UNC119B: variants seen among roughly 807,000 people sequenced by gnomAD.
UNC119B encodes protein unc-119 homolog B.
Under a neutral mutation model 23.4 loss-of-function variants are expected in UNC119B, and 16 were observed. The ratio of observed to expected loss-of-function variants is 0.68; its 90% CI spans 0.46 to 1.04. The LOEUF is 1.04. Among genes scored for constraint, UNC119B ranks in the 50% least tolerant of loss-of-function variants. The pLI is 0.00. For synonymous variants in UNC119B, 144 were observed against 145.4 expected (o/e 0.99, Z 0.07); for missense variants, 350 against 361.3 (o/e 0.97, Z 0.25).
Position 120,721,357 on chromosome 12 carries a change from G to C in UNC119B, c.*1325G>C, listed in dbSNP as rs549271164. On this transcript the variant is annotated 3_prime_UTR_variant, in exon 5 of 5. Coordinates refer to ENST00000344651, the MANE Select transcript of UNC119B (RefSeq NM_001080533.3). Reference sequence around the variant, plus strand: ...GACTCCACAAACCCTCTGATGAGACGATTGATGTGGCCAGGGTCCAGTTAG... The same window carrying C: ...GACTCCACAAACCCTCTGATGAGACCATTGATGTGGCCAGGGTCCAGTTAG... The C allele has an allele frequency of 6.6e-6, 1 of 152,204 alleles. No individual in the cohort carries two copies. The highest frequency in any genetic ancestry group is 2.1e-4 in the South Asian group (1 of 4,834). The allele number at this position is 152,204 out of a possible 1,614,324, so 9.4% of individuals were successfully genotyped here.
rs748180339 is a variant in UNC119B at position 120,710,491 on chromosome 12, C to T, written c.17C>T (p.Pro6Leu). Reference protein sequence around the residue: MSGSNPKAAAAASAAG... With the variant: MSGSNLKAAAAASAAG... ...GGCGGAGCGATGAGCGGGTCTAACC[C>T]GAAGGCTGCGGCCGCGGCGTCGGCG... Residue 6 changes from proline (P) to leucine (L), a missense_variant, in exon 1 of 5, where the codon CCG becomes CTG. Transcript: ENST00000344651. 2.2e-6 allele frequency: 3 copies of T among 1,354,640 alleles called. No homozygotes were observed. In the South Asian group the frequency reaches 5.6e-5, roughly 25 times the overall value. The allele number at this position is 1,354,640 out of a possible 1,614,324, so 83.9% of individuals were successfully genotyped here. A position where few individuals can be genotyped will look rare whatever the true frequency, so the allele number is the denominator to read the frequency against.
intron 2 of UNC119B, among the ~76,000 whole-genome samples, chr12:120,715,521 CTTTTTTTTTTT>C (rs55906857): frequency 4.8e-4 from 34 of 71,516 alleles, no homozygotes; most frequent in East Asian, 2.8e-3. Flanking sequence ...TTCTCTGATT[CTTTTTTTTTTT>C]TTTTTTTTTT....
At position 120,722,242 on chromosome 12, in the gene UNC119B, T is replaced by G. The variant is rs1397116260; in HGVS notation, c.*2210T>G. On this transcript the variant is annotated 3_prime_UTR_variant, in exon 5 of 5. Coordinates refer to ENST00000344651, the MANE Select transcript of UNC119B (RefSeq NM_001080533.3). ...TATCCTCTTCCTTGTTAGCTTGCCT[T>G]AGTCTCACTGGAGACCATTTGCGGA... 3 of 152,322 alleles carry G rather than the reference T, an allele frequency of 2.0e-5. No homozygotes were observed. Among genetic ancestry groups the G allele is most frequent in the Non-Finnish European group, 4.4e-5 (3 of 68,102 alleles). The allele number at this position is 152,322 out of a possible 1,614,324, so 9.4% of individuals were successfully genotyped here.
chr12:120,711,001 A>G, intron 1 of UNC119B: 1 of 272,380 alleles, frequency 3.7e-6, no homozygotes. Context: ...CTGTTTGGGT[A>G]GAGGGCCCCG....
rs755177777 is a variant in UNC119B at position 120,721,491 on chromosome 12, C to A, written c.*1459C>A. On this transcript the variant is annotated 3_prime_UTR_variant, in exon 5 of 5. Transcript: ENST00000344651. ...GTCCTGATGTGCTTGGGAGAAAGGC[C>A]GTATGGGGGCCAGGGATGGAAGAGA... The A allele has an allele frequency of 6.6e-6, 1 of 152,250 alleles. No homozygotes were observed. The highest frequency in any genetic ancestry group is 2.4e-5 in the African/African-American group (1 of 41,410). The allele number at this position is 152,250 out of a possible 1,614,324, so 9.4% of individuals were successfully genotyped here. A position where few individuals can be genotyped will look rare whatever the true frequency, so the allele number is the denominator to read the frequency against.
intron 1 of UNC119B, among the ~76,000 whole-genome samples, chr12:120,712,373 A>G (rs1842765297): frequency 6.6e-6 from 1 of 152,258 alleles, no homozygotes; most frequent in African/African-American, 2.4e-5. Flanking sequence ...GAAAACAACT[A>G]ACTCAGGCAA....
Position 120,720,067 on chromosome 12 carries a change from G to T in UNC119B, c.*35G>T. On this transcript the variant is annotated 3_prime_UTR_variant, in exon 5 of 5. Transcript: ENST00000344651. ...GAGTAGATAGGGGAGGTGCTTTGCC[G>T]CGGCCACAAGATCCTGGCACACGGA... 1 of 1,476,894 alleles carries T rather than the reference G, an allele frequency of 6.8e-7. No individual in the cohort carries two copies. The highest frequency in any genetic ancestry group is 2.3e-5 in the East Asian group (1 of 43,942). 91.5% of individuals were successfully genotyped at this position (1,476,894 alleles called of 1,614,324 possible).
At chr12:120,713,054 T>G (rs541253632) in intron 1 of UNC119B, among the ~76,000 whole-genome samples, 1 of 152,368 alleles carries the variant, frequency 6.6e-6, no homozygotes, top group Admixed American at 6.5e-5. Flanking sequence ...GTTTTGCAAT[T>G]TTTCATCCAA....
intron 4 of UNC119B, 43 bp from the exon 5 acceptor site, chr12:120,719,877 C>T (rs929176803): frequency 3.4e-6 from 5 of 1,460,108 alleles, no homozygotes; most frequent in Non-Finnish European, 4.8e-6. Context: ...CAGACTCAAA[C>T]ATAATTCTTT....
rs923397278 is a variant in UNC119B, at chr12:120,720,199, G to C, written c.*167G>C. On this transcript the variant is annotated 3_prime_UTR_variant, in exon 5 of 5. Transcript: ENST00000344651. ...GCCAAAGGAGCTGCCAAACAGTGCT[G>C]TGTTTTCTTCCCCAGTATTTTTTCT... 3 of 592,030 alleles carry C rather than the reference G, an allele frequency of 5.1e-6. No homozygotes were observed. The highest frequency in any genetic ancestry group is 3.2e-5 in the Admixed American group (1 of 31,656). 36.7% of individuals were successfully genotyped at this position (592,030 alleles called of 1,614,324 possible).
rs756256924 is a variant in UNC119B, at chr12:120,723,314, T to G, written c.*3282T>G. The stretch of plus-strand genomic sequence containing the variant: ...TGTACCTGGTGTAGGAGCCTAATCA[T>G]TGAACCATTGTGTTACTCACATTCC... On this transcript the variant is annotated 3_prime_UTR_variant, in exon 5 of 5. Coordinates refer to ENST00000344651, the MANE Select transcript of UNC119B (RefSeq NM_001080533.3). 6.5e-6 allele frequency: 1 copy of G among 154,282 alleles called. No homozygotes were observed. The highest frequency in any genetic ancestry group is 2.4e-5 in the African/African-American group (1 of 41,512). The allele number at this position is 154,282 out of a possible 1,614,324, so 9.6% of individuals were successfully genotyped here. A position where few individuals can be genotyped will look rare whatever the true frequency, so the allele number is the denominator to read the frequency against.
intron 2 of UNC119B, among the ~76,000 whole-genome samples, chr12:120,714,743 A>G (rs1882736555): frequency 6.8e-6 from 1 of 147,792 alleles, no homozygotes. Context: ...CAGGCCTACT[A>G]CAGGTATGTG....
At position 120,710,501 on chromosome 12, in the gene UNC119B, G is replaced by T; in HGVS notation, c.27G>T (p.Ala9=). The T allele has an allele frequency of 2.2e-6, 3 of 1,356,334 alleles. No individual in the cohort carries two copies. The highest frequency in any genetic ancestry group is 3.7e-5 in the South Asian group (2 of 54,422). 84.0% of individuals were successfully genotyped at this position (1,356,334 alleles called of 1,614,324 possible). A position where few individuals can be genotyped will look rare whatever the true frequency, so the allele number is the denominator to read the frequency against. The change falls in exon 1 of 5, where the codon GCG becomes GCT. Residue 9 remains alanine, a synonymous_variant. Transcript: ENST00000344651. The part of the protein sequence containing the change: MSGSNPKA[A]AAASAAGPGG... ...TGAGCGGGTCTAACCCGAAGGCTGC[G>T]GCCGCGGCGTCGGCGGCTGGGCCCG...
At chr12:120,719,852 AC>A in intron 4 of UNC119B, 67 bp from the exon 5 acceptor site, 1 of 1,156,144 alleles carries the variant, frequency 8.6e-7, no homozygotes, top group Non-Finnish European at 1.3e-6. Flanking sequence ...GTTTTCTCCC[AC>A]CTACCCTGTG....
At chr12:120,711,921 T>TA (rs1248605081) in intron 1 of UNC119B, among the ~76,000 whole-genome samples, 1 of 152,260 alleles carries the variant, frequency 6.6e-6, no homozygotes, top group African/African-American at 2.4e-5. Flanking sequence ...AGACTGTCCT[T>TA]ACCAGACCTG....
In UNC119B at chr12:120,710,680, G is replaced by A. The variant is rs985541528; in HGVS notation, c.206G>A (p.Arg69Gln). 6.1e-5 allele frequency: 88 copies of A among 1,447,766 alleles called. No individual in the cohort carries two copies. Among genetic ancestry groups the A allele is most frequent in the Admixed American group, 3.4e-4 (13 of 38,160 alleles). 89.7% of individuals were successfully genotyped at this position (1,447,766 alleles called of 1,614,324 possible). ...EQELLALDTI[R>Q]PEHVLRLSRV... is the part of the protein sequence containing the mutation. ...GAGCTGCTGGCGCTGGACACCATCC[G>A]GCCCGAGCACGTCCTGCGCCTCAGC... The change falls in exon 1 of 5, where the codon CGG (arginine) becomes CAG (glutamine). Residue 69 changes from arginine to glutamine, a missense_variant. Arg to Gln is a conservative substitution (Grantham distance 43, BLOSUM62 1). Coordinates refer to ENST00000344651, the MANE Select transcript of UNC119B (RefSeq NM_001080533.3).
chr12:120,718,620 GAA>G (rs1365109049), intron 4 of UNC119B, among the ~76,000 whole-genome samples: 3 of 152,200 alleles, frequency 2.0e-5, no homozygotes, highest in Non-Finnish European at 4.4e-5. Flanking sequence ...AAACGAGAGA[GAA>G]AGAACAGCCC....
Position 120,716,974 on chromosome 12 carries a change from T to C in UNC119B, c.575T>C (p.Phe192Ser). 1 of 1,613,856 alleles carries C rather than the reference T, an allele frequency of 6.2e-7. No homozygotes were observed. Reference protein sequence around the residue: ...LLKNFDFDFGFCIPSSRNTCE... With the variant: ...LLKNFDFDFGSCIPSSRNTCE... ...AAAAACTTTGACTTTGATTTTGGCT[T>C]CTGCATCCCCAGCAGTAGGAACACT... Residue 192 changes from phenylalanine (F) to serine (S), a missense_variant, in exon 4 of 5, where the codon TTC becomes TCC. Phe to Ser is a radical substitution (Grantham distance 155). Transcript: ENST00000344651.
chr12:120,716,594 G>A (rs780691409), intron 2 of UNC119B, 34 bp from the exon 3 acceptor site: 1 of 1,609,356 alleles, frequency 6.2e-7, no homozygotes, highest in Non-Finnish European at 8.5e-7. Context: ...AGAATGTCGA[G>A]ATGGTGCACT....
Sources: gnomAD v4.1 joint callset for allele counts (sites outside exome capture counted in the v4.1 genomes callset) on GRCh38, gnomAD v4.1.1 for gene constraint, MANE v1.5 for transcripts, NCBI Gene and HGNC (gene_info 2026-07-23, HGNC 2026-07-21) for gene names.